MAP3K11: variants seen among roughly 807,000 people sequenced by gnomAD.
The protein encoded by MAP3K11 is SH3 domain-containing proline-rich kinase.
A neutral mutation model predicts 84.9 loss-of-function variants in MAP3K11; 46 were observed. The observed-to-expected ratio is 0.54, with a 90% CI of 0.43 to 0.69. MAP3K11 has a LOEUF of 0.69. MAP3K11 is among the 30% of genes least tolerant of loss of function. MAP3K11 has a pLI of 0.00. For missense variants in MAP3K11, 1,053 were observed against 1,198.3 expected (o/e 0.88, Z 1.79); for synonymous variants, 527 against 514.7 (o/e 1.02, Z -0.32).
At chr11:65,606,532 G>T in intron 6 of MAP3K11, 159 bp downstream of exon 6, 2 of 540,368 alleles carry the variant, frequency 3.7e-6, no homozygotes, top group Non-Finnish European at 6.6e-6. Flanking sequence ...AATTAATGCT[G>T]CTTGGGGAGT....
chr11:65,599,706 C>T lies in MAP3K11; in HGVS notation c.1894G>A (p.Gly632Ser), dbSNP rs769940928. The change falls in exon 9 of 10, where the codon GGT becomes AGT. Residue 632 changes from glycine to serine, a missense_variant. Physicochemically the swap from Gly to Ser is moderately conservative, Grantham distance 56. Coordinates refer to ENST00000309100, the MANE Select transcript of MAP3K11 (RefSeq NM_002419.4). The part of the protein sequence containing the change: ...EPKRPVPAER[G>S]SSSGTPKLIQ... ...AGCTTGGGCGTCCCAGAGCTGCTAC[C>T]GCGCTCTGCGGGGACAGGCCTCTTG... The T allele has an allele frequency of 7.7e-5, 122 of 1,579,062 alleles. No individual in the cohort carries two copies. Among genetic ancestry groups the T allele is most frequent in the Non-Finnish European group, 9.8e-5 (115 of 1,170,220 alleles).
At chr11:65,607,057 C>A in intron 5 of MAP3K11, 3 of 755,044 alleles carry the variant, frequency 4.0e-6, no homozygotes, top group East Asian at 6.6e-5. Context: ...TGAACCCCAC[C>A]CCTTCCCACT....
Position 65,598,191 on chromosome 11 carries a change from G to C in MAP3K11, c.*100C>G. ...CCCCAAAGGGGGGTGGGGTCCCTGG[G>C]GAAACTGAGGCAGCTGCAGAGGCTG... On this transcript the variant is annotated 3_prime_UTR_variant, in exon 10 of 10. Transcript: ENST00000309100. The C allele has an allele frequency of 9.4e-7, 1 of 1,062,102 alleles. No homozygotes were observed. Among genetic ancestry groups the C allele is most frequent in the Non-Finnish European group, 1.3e-6 (1 of 797,902 alleles). The allele number at this position is 1,062,102 out of a possible 1,614,324, so 65.8% of individuals were successfully genotyped here. A position where few individuals can be genotyped will look rare whatever the true frequency, so the allele number is the denominator to read the frequency against.
At chr11:65,603,814 T>C (rs1214527217) in intron 8 of MAP3K11, among the ~76,000 whole-genome samples, 1 of 152,244 alleles carries the variant, frequency 6.6e-6, no homozygotes, top group Non-Finnish European at 1.5e-5. Flanking sequence ...GAGGCCGACA[T>C]ACTTATCAAG....
intron 2 of MAP3K11, 22 bp from the exon 3 acceptor site, chr11:65,608,092 T>G: frequency 6.2e-7 from 1 of 1,609,934 alleles, no homozygotes; most frequent in Non-Finnish European, 8.5e-7. Context: ...ACAACAGGTC[T>G]GTGTTCCCTT....
chr11:65,612,050 C>T (rs1180356137), intron 1 of MAP3K11: 2 of 152,272 alleles, frequency 1.3e-5, no homozygotes, highest in Non-Finnish European at 2.9e-5. Flanking sequence ...CGTTGACCCC[C>T]CTCTAAGAAT....
At chr11:65,600,260 G>A (rs895213603) in intron 8 of MAP3K11, among the ~76,000 whole-genome samples, 14 of 152,238 alleles carry the variant, frequency 9.2e-5, no homozygotes, top group African/African-American at 2.9e-4. Context: ...AAGGTACATG[G>A]CAGCCCTGAG....
At chr11:65,607,110 G>A in intron 5 of MAP3K11, 160 bp downstream of exon 5, 1 of 1,047,854 alleles carries the variant, frequency 9.5e-7, no homozygotes, top group South Asian at 1.9e-5. Flanking sequence ...CCCGCCCACA[G>A]ACAGAAAAAA....
At position 65,608,228 on chromosome 11, in the gene MAP3K11, A is replaced by G. The variant is rs755026554; in HGVS notation, c.920+40T>C. ...TTAGGCAGCCACCTCTGCCCTCTGC[A>G]GCCCCGTAGCAGCCCGTCCAGCCCC... On this transcript the variant is annotated intron_variant, in intron 2 of 9. Coordinates refer to ENST00000309100, the MANE Select transcript of MAP3K11 (RefSeq NM_002419.4). The G allele has an allele frequency of 1.6e-5, 25 of 1,602,674 alleles. No homozygotes were observed. The South Asian group carries it at 2.8e-4, about 18-fold the overall frequency.
In MAP3K11 at chr11:65,613,130, G is replaced by GCGCC; in HGVS notation, c.623_626dup (p.Val210AlafsTer33). The GCGCC allele has an allele frequency of 6.3e-7, 1 of 1,588,700 alleles. No individual in the cohort carries two copies. The highest frequency in any genetic ancestry group is 1.3e-5 in the African/African-American group (1 of 74,682). ...AGTTGACCAGCACATGGGGAGGCAC[G>GCGCC]CGCCGCCCGGCCAGAGCTCGGCTGA... On this transcript the variant is annotated frameshift_variant, in exon 1 of 10. Transcript: ENST00000309100. LOFTEE classifies it high-confidence loss of function.
At chr11:65,602,468 A>T (rs1854466427) in intron 8 of MAP3K11, among the ~76,000 whole-genome samples, 1 of 152,084 alleles carries the variant, frequency 6.6e-6, no homozygotes, top group African/African-American at 2.4e-5. Flanking sequence ...CAACATGGTG[A>T]AACCTCATCT....
rs950085270 is a variant in MAP3K11, at chr11:65,607,007, G to C, written c.1490-203C>G. On this transcript the variant is annotated intron_variant, in intron 5 of 9. Coordinates refer to ENST00000309100, the MANE Select transcript of MAP3K11 (RefSeq NM_002419.4). ...TCGTCTGAGTCGGAGATGCCCTGGC[G>C]CCGGCCGGCCCCGCCCACTAGACCT... The C allele has an allele frequency of 5.8e-5, 34 of 587,434 alleles. 1 individual carries two copies. The Admixed American group carries it at 1.3e-3, about 22-fold the overall frequency. The allele number at this position is 587,434 out of a possible 1,614,324, so 36.4% of individuals were successfully genotyped here.
chr11:65,609,517 C>T (rs1267740562), intron 1 of MAP3K11: 2 of 152,258 alleles, frequency 1.3e-5, no homozygotes, highest in Admixed American at 6.5e-5. Flanking sequence ...GAAGCAGCAA[C>T]TTGCATATCT....
Position 65,607,171 on chromosome 11 carries a change from A to G in MAP3K11, c.1489+99T>C, listed in dbSNP as rs372293005. ...GCCTTCATCTCACGGGCCCACCCAC[A>G]ACACCCTAAACCAATCCCAGCGCGG... On this transcript the variant is annotated intron_variant, in intron 5 of 9. Transcript: ENST00000309100. The G allele has an allele frequency of 1.8e-4, 251 of 1,367,084 alleles. 1 individual carries two copies. In the African/African-American group the frequency reaches 3.0e-3, roughly 16 times the overall value. 84.7% of individuals were successfully genotyped at this position (1,367,084 alleles called of 1,614,324 possible). A position where few individuals can be genotyped will look rare whatever the true frequency, so the allele number is the denominator to read the frequency against.
chr11:65,606,217 A>G (rs541408886), intron 6 of MAP3K11, 136 bp from the exon 7 acceptor site: 1 of 1,049,482 alleles, frequency 9.5e-7, no homozygotes, highest in East Asian at 3.0e-5. Flanking sequence ...TTTGGGCAAG[A>G]TAGATGGGTT....
intron 8 of MAP3K11, among the ~76,000 whole-genome samples, chr11:65,601,831 A>AC (rs1554988124): frequency 6.6e-6 from 1 of 151,922 alleles, no homozygotes; most frequent in East Asian, 1.9e-4. Context: ...CGAGGTTATC[A>AC]TATCACCCCC....
In MAP3K11 at chr11:65,613,152, C is replaced by G; in HGVS notation, c.605G>C (p.Ser202Thr). 1 of 1,592,188 alleles carries G rather than the reference C, an allele frequency of 6.3e-7. No homozygotes were observed. Among genetic ancestry groups the G allele is most frequent in the Non-Finnish European group, 8.6e-7 (1 of 1,168,804 alleles). ...CACGCGCCGCCCGGCCAGAGCTCGG[C>G]TGAGGGGCCCACCGGCTGCATACTC... ...VMEYAAGGPL[S>T]RALAGRRVPP... Residue 202 changes from serine to threonine, a missense_variant, in exon 1 of 10, where the codon AGC (serine) becomes ACC (threonine). Physicochemically the swap from Ser to Thr is moderately conservative, Grantham distance 58. Transcript: ENST00000309100.
In MAP3K11 at chr11:65,608,264, G is replaced by A. The variant is rs759879182; in HGVS notation, c.920+4C>T. On this transcript the variant is annotated splice_donor_region_variant and intron_variant, in intron 2 of 9. Transcript: ENST00000309100. The stretch of plus-strand genomic sequence containing the variant: ...AGCCCGTCCAGCCCCACCAAGGGCC[G>A]CACCTCCAGACGTCACTGCCCTTAG... 7 of 1,612,202 alleles carry A rather than the reference G, an allele frequency of 4.3e-6. No individual in the cohort carries two copies. The highest frequency in any genetic ancestry group is 1.7e-5 in the Admixed American group (1 of 59,982).
At position 65,605,997 on chromosome 11, in the gene MAP3K11, C is replaced by G; in HGVS notation, c.1688G>C (p.Cys563Ser). The change falls in exon 7 of 10, where the codon TGC becomes TCC. Residue 563 changes from cysteine (C) to serine (S), a missense_variant. By Grantham distance (112) the Cys-to-Ser change is moderately radical. Around this residue, in one of 3 missense-constraint regions of MAP3K11, gnomAD observed 583 missense variants for 566.6 expected, o/e 1.03. Transcript: ENST00000309100. ...GGGGGAACTGGGACCCCAAGCCCAG[C>G]ATGCTCGCCGCTCTCCATTGCTTGA... ...EDSSNGERRA[C>S]WAWGPSSPKP... 1.2e-6 allele frequency: 2 copies of G among 1,601,878 alleles called. No homozygotes were observed. The highest frequency in any genetic ancestry group is 8.5e-7 in the Non-Finnish European group (1 of 1,175,276).
Sources: allele counts gnomAD v4.1 joint callset (sites outside exome capture counted in the v4.1 genomes callset), GRCh38; gene constraint gnomAD v4.1.1; regional missense constraint gnomAD v4.1.1; transcripts MANE v1.5; gene names NCBI Gene and HGNC (gene_info 2026-07-23, HGNC 2026-07-21).